The following HNRNPK variants were observed in gnomAD, a reference collection of about 807,000 sequenced individuals.
The protein encoded by HNRNPK is dC-stretch binding protein.
A neutral mutation model predicts 67.0 loss-of-function variants in HNRNPK; 7 were observed. That is an observed-to-expected ratio of 0.10 (90% confidence interval 0.06 to 0.20). The LOEUF (loss-of-function observed/expected upper bound fraction) is 0.20, where lower values mean the gene tolerates loss of function less well. Ranked by LOEUF, HNRNPK falls within the 10% of genes least tolerant of loss-of-function variation. The pLI is 1.00. For missense variants in HNRNPK, 264 were observed against 606.5 expected (o/e 0.44, Z 5.93); for synonymous variants, 213 against 193.7 (o/e 1.10, Z -0.83).
intron 4 of HNRNPK, 138 bp downstream of exon 4, chr9:83,977,551 C>T (rs1164660808): frequency 1.7e-6 from 1 of 585,820 alleles, no homozygotes; most frequent in African/African-American, 1.9e-5. Context: ...CCACCAGAGC[C>T]TTCAAGTCTG....
At chr9:83,970,968 T>A in intron 13 of HNRNPK, 56 bp from the exon 14 acceptor site, 1 of 1,538,208 alleles carries the variant, frequency 6.5e-7, no homozygotes. Context: ...TTACTACCGG[T>A]ACTTTAAAAA....
intron 1 of HNRNPK, among the ~76,000 whole-genome samples, chr9:83,979,537 G>A (rs758465326): frequency 6.6e-6 from 1 of 152,106 alleles, no homozygotes; most frequent in Non-Finnish European, 1.5e-5. Flanking sequence ...TCCCGGCACC[G>A]AGATCAAAAA....
chr9:83,970,843 G>A (rs766209942), intron 14 of HNRNPK, 24 bp from the exon 15 acceptor site: 7 of 1,606,484 alleles, frequency 4.4e-6, no homozygotes, highest in African/African-American at 4.0e-5. Flanking sequence ...TGAGCAGTAA[G>A]TTCATTTAAA....
chr9:83,971,465 T>A, intron 12 of HNRNPK, 109 bp from the exon 13 acceptor site: 1 of 842,828 alleles, frequency 1.2e-6, no homozygotes, highest in East Asian at 2.4e-5. Context: ...GGTACATATA[T>A]AGGCAGCAAT....
At chr9:83,974,017 G>C (rs1449578376) in intron 7 of HNRNPK, 44 bp from the exon 8 acceptor site, 3 of 1,324,560 alleles carry the variant, frequency 2.3e-6, no homozygotes, top group Non-Finnish European at 3.3e-6. Context: ...TGTCTAGCGT[G>C]ATCAGGCTAT....
chr9:83,972,199 G>A lies in HNRNPK; in HGVS notation c.646-10C>T, dbSNP rs765057269. The A allele has an allele frequency of 2.5e-6, 4 of 1,571,246 alleles. No individual in the cohort carries two copies. Among genetic ancestry groups the A allele is most frequent in the Non-Finnish European group, 3.5e-6 (4 of 1,157,044 alleles). On this transcript the variant is annotated splice_polypyrimidine_tract_variant and intron_variant, in intron 10 of 16. Coordinates refer to ENST00000376263, the MANE Select transcript of HNRNPK (RefSeq NM_031263.4). ...GTCCTTTGATGGGAGACTAAAAACAGAGATGGAACAAACTTACAGACTGAA... is the reference window on the plus strand; with the variant it reads ...GTCCTTTGATGGGAGACTAAAAACAAAGATGGAACAAACTTACAGACTGAA...
At chr9:83,979,498 G>C (rs73471374) in intron 1 of HNRNPK, among the ~76,000 whole-genome samples, 1 of 152,148 alleles carries the variant, frequency 6.6e-6, no homozygotes, top group Admixed American at 6.5e-5. Context: ...TCCACTGGCC[G>C]AGCGCCAACG....
chr9:83,978,304 A>G, intron 2 of HNRNPK, 25 bp from the exon 3 acceptor site: 1 of 1,554,326 alleles, frequency 6.4e-7, no homozygotes, highest in Non-Finnish European at 8.7e-7. Context: ...AGCAGCTAGT[A>G]CATTTGGCTT....
At chr9:83,979,943 C>G (rs899350226) in intron 1 of HNRNPK, among the ~76,000 whole-genome samples, 2 of 152,222 alleles carry the variant, frequency 1.3e-5, no homozygotes, top group African/African-American at 4.8e-5. Context: ...AGGCACATGC[C>G]TCACGAATCC....
chr9:83,969,321 T>C lies in HNRNPK; in HGVS notation c.*86A>G, dbSNP rs772342106. The C allele has an allele frequency of 3.6e-6, 3 of 824,400 alleles. No homozygotes were observed. Among genetic ancestry groups the C allele is most frequent in the Non-Finnish European group, 6.3e-6 (3 of 479,758 alleles). The allele number at this position is 824,400 out of a possible 1,614,324, so 51.1% of individuals were successfully genotyped here. A position where few individuals can be genotyped will look rare whatever the true frequency, so the allele number is the denominator to read the frequency against. On this transcript the variant is annotated 3_prime_UTR_variant, in exon 17 of 17. Coordinates refer to ENST00000376263, the MANE Select transcript of HNRNPK (RefSeq NM_031263.4). ...ACAGAAGCAGATAAAAAAAAAAAGATGCAGGACTCCTTCAGTTCTTCACTA... is the reference window on the plus strand; with the variant it reads ...ACAGAAGCAGATAAAAAAAAAAAGACGCAGGACTCCTTCAGTTCTTCACTA...
chr9:83,969,441 CTA>C lies in HNRNPK; in HGVS notation c.1362-3_1362-2del. ...TTCAACATCTGCATACTGCTTCACACTATAAAAGAAAAGAAAAAAAAGTGCGA... is the reference window on the plus strand; with the variant it reads ...TTCAACATCTGCATACTGCTTCACACTAAAAGAAAAGAAAAAAAAGTGCGA... On this transcript the variant is annotated splice_acceptor_variant and splice_polypyrimidine_tract_variant and intron_variant, in intron 16 of 16. Coordinates refer to ENST00000376263, the MANE Select transcript of HNRNPK (RefSeq NM_031263.4). LOFTEE classifies it high-confidence loss of function. The C allele has an allele frequency of 4.5e-6, 7 of 1,572,670 alleles. No homozygotes were observed. Among genetic ancestry groups the C allele is most frequent in the Non-Finnish European group, 6.1e-6 (7 of 1,155,394 alleles).
chr9:83,971,177 CAGTA>C, intron 13 of HNRNPK, 92 bp downstream of exon 13: 2 of 913,078 alleles, frequency 2.2e-6, no homozygotes, highest in Non-Finnish European at 3.7e-6. Context: ...ATCCTATTTT[CAGTA>C]AGTATCCTCA....
chr9:83,971,645 A>AC, intron 12 of HNRNPK, 27 bp downstream of exon 12: 1 of 1,581,328 alleles, frequency 6.3e-7, no homozygotes, highest in Non-Finnish European at 8.7e-7. Flanking sequence ...CATACCCAAC[A>AC]CACTGGTAAT....
intron 1 of HNRNPK, among the ~76,000 whole-genome samples, chr9:83,979,437 G>C (rs1321706621): frequency 6.6e-6 from 1 of 152,206 alleles, no homozygotes; most frequent in African/African-American, 2.4e-5. Flanking sequence ...TTCACCCTTC[G>C]GGTCCTGCAG....
Position 83,970,279 on chromosome 9 carries a change from T to A in HNRNPK, c.1244A>T (p.His415Leu). The change falls in exon 16 of 17, where the codon CAT (histidine) becomes CTT (leucine). Residue 415 changes from histidine to leucine, a missense_variant. Transcript: ENST00000376263. ...KGGQRIKQIR[H>L]ESGASIKIDE... is the part of the protein sequence containing the mutation. Reference sequence around the variant, plus strand: ...AATTTTGATCGAAGCTCCCGACTCATGACGGATTTGTTTAATCCGCTGACC... The same window carrying A: ...AATTTTGATCGAAGCTCCCGACTCAAGACGGATTTGTTTAATCCGCTGACC... 6.2e-7 allele frequency: 1 copy of A among 1,613,952 alleles called. No individual in the cohort carries two copies. The highest frequency in any genetic ancestry group is 8.5e-7 in the Non-Finnish European group (1 of 1,179,874).
At chr9:83,975,371 G>C in intron 6 of HNRNPK, 91 bp downstream of exon 6, 2 of 1,123,212 alleles carry the variant, frequency 1.8e-6, no homozygotes, top group Non-Finnish European at 2.7e-6. Context: ...ACCGTCTAAA[G>C]GGGATACTAT....
rs79763820 is a variant in HNRNPK, at chr9:83,977,515, T to C, written c.156+174A>G. ...CGGTTCACTACAGCAAGGGCTTTAATCTTAACTGTTAGTGGAATAAGAAAA... is the reference window on the plus strand; with the variant it reads ...CGGTTCACTACAGCAAGGGCTTTAACCTTAACTGTTAGTGGAATAAGAAAA... On this transcript the variant is annotated intron_variant, in intron 4 of 16. Transcript: ENST00000376263. 5.9e-3 allele frequency among the ~76,000 whole-genome samples: 896 copies of C among 152,304 alleles called. 8 individuals carry two copies. Among genetic ancestry groups the C allele is most frequent in the African/African-American group, 0.021 (852 of 41,546 alleles).
rs1380261112 is a variant in HNRNPK, at chr9:83,968,241, A to G, written c.*1166T>C. 1.3e-5 allele frequency: 2 copies of G among 152,364 alleles called. No individual in the cohort carries two copies. The highest frequency in any genetic ancestry group is 2.9e-5 in the Non-Finnish European group (2 of 67,996). 9.4% of individuals were successfully genotyped at this position (152,364 alleles called of 1,614,324 possible). A position where few individuals can be genotyped will look rare whatever the true frequency, so the allele number is the denominator to read the frequency against. On this transcript the variant is annotated 3_prime_UTR_variant, in exon 17 of 17. Coordinates refer to ENST00000376263, the MANE Select transcript of HNRNPK (RefSeq NM_031263.4). ...TAACTATCAATACAAATGCCAAGAT[A>G]CTACACAAAACATCCACAGGAACTT...
At chr9:83,978,094 T>C in intron 3 of HNRNPK, 101 bp downstream of exon 3, 2 of 761,226 alleles carry the variant, frequency 2.6e-6, no homozygotes, top group South Asian at 1.6e-5. Flanking sequence ...TAAACAGTAA[T>C]ACCAAAAATT....
Sources: gnomAD v4.1 joint callset for allele counts (sites outside exome capture counted in the v4.1 genomes callset) on GRCh38, gnomAD v4.1.1 for gene constraint, MANE v1.5 for transcripts, NCBI Gene and HGNC (gene_info 2026-07-23, HGNC 2026-07-21) for gene names.